KRT77: variants seen among roughly 807,000 people sequenced by gnomAD.
The protein encoded by KRT77 is keratin 77.
In KRT77, 44 loss-of-function variants were observed where a neutral mutation model predicts 51.5. That is an observed-to-expected ratio of 0.85 (90% CI 0.67 to 1.10). The LOEUF is 1.10. Ranked by LOEUF, KRT77 falls within the 50% of genes least tolerant of loss-of-function variation. The pLI is 0.00. For synonymous variants in KRT77, 293 were observed against 302.0 expected (o/e 0.97, Z 0.31); for missense variants, 763 against 743.9 (o/e 1.03, Z -0.30).
Position 52,703,511 on chromosome 12 carries a change from G to A in KRT77, c.-77C>T. 1 of 1,277,664 alleles carries A rather than the reference G, an allele frequency of 7.8e-7. No homozygotes were observed. The highest frequency in any genetic ancestry group is 1.1e-6 in the Non-Finnish European group (1 of 930,598). The allele number at this position is 1,277,664 out of a possible 1,614,324, so 79.1% of individuals were successfully genotyped here. A position where few individuals can be genotyped will look rare whatever the true frequency, so the allele number is the denominator to read the frequency against. ...GAGGCAGAGACCAGAGAGGAAAGGA[G>A]CTCTGACTCCTTTGAAAAGATCTGG... On this transcript the variant is annotated 5_prime_UTR_variant, in exon 1 of 9. Transcript: ENST00000341809.
chr12:52,691,190 G>A lies in KRT77; in HGVS notation c.1712C>T (p.Thr571Ile). The part of the protein sequence containing the change: ...RVQIIQTSTN[T>I]SHRRILE ...CTACTCCAAGATCCGCCTGTGGGAG[G>A]TGTTGGTGGAGGTCTGGATGATCTG... is the stretch of plus-strand genomic sequence containing the variant. Residue 571 changes from threonine (T) to isoleucine (I), a missense_variant, in exon 9 of 9, where the codon ACC (threonine) becomes ATC (isoleucine). Transcript: ENST00000341809. The A allele has an allele frequency of 1.2e-6, 2 of 1,614,118 alleles. No individual in the cohort carries two copies. Among genetic ancestry groups the A allele is most frequent in the Non-Finnish European group, 1.7e-6 (2 of 1,179,996 alleles).
intron 2 of KRT77, 190 bp from the exon 3 acceptor site, chr12:52,696,620 T>C: frequency 3.5e-6 from 2 of 577,330 alleles, no homozygotes; most frequent in South Asian, 4.5e-5. Context: ...AGCCAACTCC[T>C]AGGTCTGTGG....
In KRT77 at chr12:52,703,154, C is replaced by A; in HGVS notation, c.281G>T (p.Gly94Val). Residue 94 changes from glycine to valine, a missense_variant, in exon 1 of 9, where the codon GGC becomes GTC. Coordinates refer to ENST00000341809, the MANE Select transcript of KRT77 (RefSeq NM_175078.3). ...QGGGVGGFGGGRGFGVGSTGA... is the reference protein window; with the variant it reads ...QGGGVGGFGGVRGFGVGSTGA... ...GGTGCTGCCAACCCCAAAGCCTCTG[C>A]CCCCTCCAAATCCCCCTACTCCCCC... 6.2e-7 allele frequency: 1 copy of A among 1,600,222 alleles called. No homozygotes were observed.
chr12:52,697,133 A>G (rs1941805473), intron 2 of KRT77, among the ~76,000 whole-genome samples: 1 of 152,238 alleles, frequency 6.6e-6, no homozygotes, highest in Non-Finnish European at 1.5e-5. Context: ...TTTCATTCAA[A>G]CCAGCAGTTC....
chr12:52,697,115 A>G (rs1941805162), intron 2 of KRT77, among the ~76,000 whole-genome samples: 1 of 152,226 alleles, frequency 6.6e-6, no homozygotes, highest in Admixed American at 6.5e-5. Context: ...AGAACTTATT[A>G]AGCATCATTT....
chr12:52,700,596 C>T (rs541157813), intron 1 of KRT77, among the ~76,000 whole-genome samples: 2 of 152,274 alleles, frequency 1.3e-5, no homozygotes, highest in African/African-American at 4.8e-5. Context: ...CAGGAGGCTG[C>T]AGACAACAAT....
rs146786177 is a variant in KRT77, at chr12:52,700,828, G to T, written c.543+2064C>A. Reference sequence around the variant, plus strand: ...AAGCCACTGGAGGATTCAAATGGAGGAGTGTCGTGACATGCTTTTAAAGGA... The same window carrying T: ...AAGCCACTGGAGGATTCAAATGGAGTAGTGTCGTGACATGCTTTTAAAGGA... On this transcript the variant is annotated intron_variant, in intron 1 of 8. Transcript: ENST00000341809. Among the ~76,000 whole-genome samples the T allele has an allele frequency of 6.6e-4, 101 of 152,318 alleles. 1 individual carries two copies. The highest frequency in any genetic ancestry group is 3.4e-3 in the Middle Eastern group (1 of 294).
rs776967209 is a variant in KRT77, at chr12:52,692,459, G to A, written c.1389C>T (p.Ile463=). The change falls in exon 7 of 9, where the codon ATC becomes ATT. Residue 463 remains isoleucine (I), a synonymous_variant. Transcript: ENST00000341809. ...LGVKLSLDVE[I]ATYRQLLEGE... ...CCTCCAGCAGCTGGCGGTAGGTGGC[G>A]ATCTCCACATCCAGGGACAGCTTGA... is the stretch of plus-strand genomic sequence containing the variant. 19 of 1,614,040 alleles carry A rather than the reference G, an allele frequency of 1.2e-5. No homozygotes were observed. In the East Asian group the frequency reaches 1.6e-4, roughly 13 times the overall value.
chr12:52,700,272 G>T (rs1252004425), intron 1 of KRT77, among the ~76,000 whole-genome samples: 3 of 152,224 alleles, frequency 2.0e-5, no homozygotes, highest in Non-Finnish European at 4.4e-5. Flanking sequence ...CTGCTTTCCA[G>T]GAGTTTGCAT....
At chr12:52,692,009 G>A (rs1379643940) in intron 7 of KRT77, 37 bp from the exon 8 acceptor site, 40 of 1,611,602 alleles carry the variant, frequency 2.5e-5, no homozygotes, top group Non-Finnish European at 3.1e-5. Flanking sequence ...CAGACCCACA[G>A]GGCCTGAGGA....
chr12:52,691,543 G>A (rs1384379817), intron 8 of KRT77, 104 bp from the exon 9 acceptor site: 4 of 1,296,554 alleles, frequency 3.1e-6, no homozygotes, highest in Non-Finnish European at 4.2e-6. Flanking sequence ...ATCACCCGTG[G>A]CATCGACTTG....
chr12:52,703,348 A>G lies in KRT77; in HGVS notation c.87T>C (p.Gly29=), dbSNP rs780358908. ...ACACAGAACCCACTGCCGGACTCCC[A>G]CCACCAGAGCCTGCAGAAGAGCTGG... ...YSTSSSAGSG[G]GSPAVGSVCY... Residue 29 remains glycine (G), a synonymous_variant, in exon 1 of 9, where the codon GGT becomes GGC. Transcript: ENST00000341809. 3 of 1,613,916 alleles carry G rather than the reference A, an allele frequency of 1.9e-6. No individual in the cohort carries two copies. The Admixed American group carries it at 5.0e-5, about 27-fold the overall frequency.
In KRT77 at chr12:52,703,285, C is replaced by A. The variant is rs756366769; in HGVS notation, c.150G>T (p.Gly50=). The A allele has an allele frequency of 1.2e-6, 2 of 1,614,042 alleles. No homozygotes were observed. The highest frequency in any genetic ancestry group is 2.2e-5 in the South Asian group (2 of 91,040). Residue 50 remains glycine (G), a synonymous_variant, in exon 1 of 9, where the codon GGG becomes GGT. Transcript: ENST00000341809. ...TAGAGCCAAACCCCCTTCCATGGATCCCATATCCACCACCACCACACCTCC... is the reference window on the plus strand; with the variant it reads ...TAGAGCCAAACCCCCTTCCATGGATACCATATCCACCACCACCACACCTCC... The part of the protein sequence containing the change: ...ARGRCGGGGY[G]IHGRGFGSRS...
At chr12:52,698,727 G>T (rs1313362952) in intron 1 of KRT77, among the ~76,000 whole-genome samples, 1 of 152,230 alleles carries the variant, frequency 6.6e-6, no homozygotes, top group African/African-American at 2.4e-5. Context: ...CCTTTCCTCA[G>T]CCAGGTAGAC....
chr12:52,701,491 A>G (rs1490804067), intron 1 of KRT77, among the ~76,000 whole-genome samples: 3 of 152,194 alleles, frequency 2.0e-5, no homozygotes, highest in Non-Finnish European at 4.4e-5. Context: ...CAGTCAGGCC[A>G]CAGGTCAAGC....
chr12:52,692,920 C>T (rs1222466299), intron 5 of KRT77, 40 bp from the exon 6 acceptor site: 1 of 1,595,674 alleles, frequency 6.3e-7, no homozygotes, highest in East Asian at 2.2e-5. Context: ...ATGTGCTGCC[C>T]ACCACAAGCC....
intron 7 of KRT77, 136 bp from the exon 8 acceptor site, chr12:52,692,108 G>C (rs1031076315): frequency 4.1e-5 from 38 of 930,184 alleles, no homozygotes; most frequent in Admixed American, 1.1e-4. Context: ...CAGGAAGCCA[G>C]TGGGGCAGAG....
Position 52,696,383 on chromosome 12 carries a change from A to G in KRT77, c.806T>C (p.Val269Ala), listed in dbSNP as rs751882972. 3.1e-6 allele frequency: 5 copies of G among 1,614,190 alleles called. No individual in the cohort carries two copies. The highest frequency in any genetic ancestry group is 4.2e-6 in the Non-Finnish European group (5 of 1,180,012). The change falls in exon 3 of 9, where the codon GTC becomes GCC. Residue 269 changes from valine (V) to alanine (A), a missense_variant. Val to Ala is a moderately conservative substitution (Grantham distance 64). Transcript: ENST00000341809. ...CCTTTCCCTCACCTTCTTCAGGACG[A>G]CAAAGTCATTCTCGCTGCCAGTCCT... is the stretch of plus-strand genomic sequence containing the variant. Reference protein sequence around the residue: ...NKRTGSENDFVVLKKDVDAAY... With the variant: ...NKRTGSENDFAVLKKDVDAAY...
At chr12:52,702,613 G>A (rs967256225) in intron 1 of KRT77, among the ~76,000 whole-genome samples, 1 of 151,490 alleles carries the variant, frequency 6.6e-6, no homozygotes, top group Non-Finnish European at 1.5e-5. Flanking sequence ...GTGCATGGGT[G>A]GATGGGTGGA....
Sources: gnomAD v4.1 joint callset for allele counts (sites outside exome capture counted in the v4.1 genomes callset) on GRCh38, gnomAD v4.1.1 for gene constraint, MANE v1.5 for transcripts, NCBI Gene and HGNC (gene_info 2026-07-23, HGNC 2026-07-21) for gene names.